CNTNAP2: variants seen among roughly 807,000 people sequenced by gnomAD.
CNTNAP2 encodes the protein contactin associated protein 2.
CNTNAP2 carries 98 observed loss-of-function variants against 155.2 expected under a neutral mutation model. The observed-to-expected ratio is 0.63, with a 90% CI of 0.54 to 0.75. CNTNAP2 has a LOEUF of 0.75. CNTNAP2 is among the 30% of genes least tolerant of loss of function. The pLI is 0.00. For synonymous variants in CNTNAP2, 651 were observed against 631.2 expected (o/e 1.03, Z -0.47); for missense variants, 1,727 against 1,688.1 (o/e 1.02, Z -0.40).
intron 3 of CNTNAP2, among the ~76,000 whole-genome samples, chr7:146,980,266 G>A (rs1168563574): frequency 1.3e-5 from 2 of 152,070 alleles, no homozygotes; most frequent in Non-Finnish European, 2.9e-5. Flanking sequence ...GTCAGAAGGG[G>A]GCAAGTGATC....
intron 13 of CNTNAP2, among the ~76,000 whole-genome samples, chr7:147,713,061 CA>C (rs1796425813): frequency 6.6e-6 from 1 of 152,116 alleles, no homozygotes; most frequent in South Asian, 2.1e-4. Context: ...CATGCTAGTA[CA>C]CGTGATTCTC....
At chr7:146,738,211 G>A (rs1229745076) in intron 1 of CNTNAP2, among the ~76,000 whole-genome samples, 1 of 151,546 alleles carries the variant, frequency 6.6e-6, no homozygotes, top group East Asian at 1.9e-4. Context: ...CATTCTAACA[G>A]GTATAAGGTG....
At chr7:147,184,490 G>T (rs1275062319) in intron 8 of CNTNAP2, among the ~76,000 whole-genome samples, 1 of 152,074 alleles carries the variant, frequency 6.6e-6, no homozygotes, top group Admixed American at 6.6e-5. Flanking sequence ...ATAAACTATG[G>T]CAAAGGATTC....
intron 1 of CNTNAP2, among the ~76,000 whole-genome samples, chr7:146,626,368 G>T (rs1799419197): frequency 6.6e-6 from 1 of 152,034 alleles, no homozygotes; most frequent in South Asian, 2.1e-4. Context: ...ATTCTGTTCT[G>T]AGAGGGTTGA....
At chr7:147,263,550 TC>T (rs1490271015) in intron 8 of CNTNAP2, among the ~76,000 whole-genome samples, 8 of 152,200 alleles carry the variant, frequency 5.3e-5, no homozygotes. Flanking sequence ...TATTGATTTG[TC>T]ATCTCCTTTT....
Position 147,594,605 on chromosome 7 carries a change from C to A in CNTNAP2, c.1897+32348C>A, listed in dbSNP as rs1166589543. ...TTTCTGGGTTTTCGCCTTCTCCACC[C>A]CTTCCAAGTCAAGGTCTGAGTCTGA... On this transcript the variant is annotated intron_variant, in intron 12 of 23. Transcript: ENST00000361727. 1.3e-5 allele frequency among the ~76,000 whole-genome samples: 2 copies of A among 152,114 alleles called. 1 individual carries two copies. Among genetic ancestry groups the A allele is most frequent in the South Asian group, 4.1e-4 (2 of 4,826 alleles).
intron 21 of CNTNAP2, among the ~76,000 whole-genome samples, chr7:148,310,393 T>C (rs914588589): frequency 6.6e-6 from 1 of 152,202 alleles, no homozygotes; most frequent in Non-Finnish European, 1.5e-5. Context: ...AGAGTCAACT[T>C]GGGCCTGGAG....
At chr7:148,180,397 C>G (rs2116702668) in intron 18 of CNTNAP2, among the ~76,000 whole-genome samples, 1 of 152,000 alleles carries the variant, frequency 6.6e-6, no homozygotes, top group East Asian at 1.9e-4. Context: ...CCTTAGGATG[C>G]AATTTAAAAG....
At chr7:148,073,469 C>A (rs1049240438) in intron 15 of CNTNAP2, among the ~76,000 whole-genome samples, 4 of 152,212 alleles carry the variant, frequency 2.6e-5, no homozygotes, top group African/African-American at 9.6e-5. Context: ...AGACTTGAAC[C>A]AGCCATTTGT....
intron 12 of CNTNAP2, among the ~76,000 whole-genome samples, chr7:147,627,301 G>A (rs1794999134): frequency 6.6e-6 from 1 of 152,078 alleles, no homozygotes; most frequent in African/African-American, 2.4e-5. Context: ...CCCCAGCAAT[G>A]GATCCAAACC....
intron 14 of CNTNAP2, among the ~76,000 whole-genome samples, chr7:147,957,900 C>G (rs1801047005): frequency 6.6e-6 from 1 of 152,038 alleles, no homozygotes; most frequent in African/African-American, 2.4e-5. Flanking sequence ...CATGAGGAGA[C>G]TCTGTCTCTA....
At chr7:147,447,807 T>C (rs997447581) in intron 10 of CNTNAP2, among the ~76,000 whole-genome samples, 1 of 151,674 alleles carries the variant, frequency 6.6e-6, no homozygotes, top group African/African-American at 2.4e-5. Flanking sequence ...ATATATAGTA[T>C]ATATAGTATA....
intron 8 of CNTNAP2, among the ~76,000 whole-genome samples, chr7:147,255,265 A>G (rs1307952791): frequency 6.6e-6 from 1 of 152,158 alleles, no homozygotes; most frequent in Non-Finnish European, 1.5e-5. Context: ...TCTATCCCCA[A>G]GGCTGAAGTG....
chr7:146,957,961 G>C (rs992640741), intron 3 of CNTNAP2, among the ~76,000 whole-genome samples: 15 of 152,066 alleles, frequency 9.9e-5, no homozygotes, highest in African/African-American at 3.6e-4. Context: ...TATCAAGAAT[G>C]ATTTAGATGT....
chr7:146,785,838 C>G (rs1802566400), intron 2 of CNTNAP2, among the ~76,000 whole-genome samples: 1 of 152,164 alleles, frequency 6.6e-6, no homozygotes, highest in Non-Finnish European at 1.5e-5. Context: ...ATAAAGCATG[C>G]CTTTCTTATC....
At chr7:147,962,721 G>A (rs74348647) in intron 14 of CNTNAP2, among the ~76,000 whole-genome samples, 3,945 of 152,230 alleles carry the variant, frequency 0.026, 159 homozygotes, top group African/African-American at 0.09. Context: ...ATGCTACGTG[G>A]TAGGCACTGT....
At chr7:147,715,334 G>T (rs1009068968) in intron 13 of CNTNAP2, among the ~76,000 whole-genome samples, 1 of 152,012 alleles carries the variant, frequency 6.6e-6, no homozygotes, top group African/African-American at 2.4e-5. Context: ...CCACATCCTT[G>T]CCAGCATTTG....
chr7:147,755,784 T>C (rs891367164), intron 13 of CNTNAP2, among the ~76,000 whole-genome samples: 1 of 152,242 alleles, frequency 6.6e-6, no homozygotes, highest in African/African-American at 2.4e-5. Context: ...TTTAGTGCTG[T>C]GCTGTTGCCA....
In CNTNAP2 at chr7:147,977,944, T is replaced by C; in HGVS notation, c.2338T>C (p.Ser780Pro). Residue 780 changes from serine (S) to proline (P), a missense_variant, in exon 15 of 24, where the codon TCA (serine) becomes CCA (proline). Coordinates refer to ENST00000361727, the MANE Select transcript of CNTNAP2 (RefSeq NM_014141.6). ...VVVGDTDRQG[S>P]EAKLSVGPLR... ...GGTTGGAGATACTGACCGTCAAGGC[T>C]CAGAAGCCAAATTGAGCGTAGGTCC... 1 of 1,614,070 alleles carries C rather than the reference T, an allele frequency of 6.2e-7. No individual in the cohort carries two copies. Among genetic ancestry groups the C allele is most frequent in the East Asian group, 2.2e-5 (1 of 44,866 alleles).
Sources: gnomAD v4.1 joint callset for allele counts (sites outside exome capture counted in the v4.1 genomes callset) on GRCh38, gnomAD v4.1.1 for gene constraint, MANE v1.5 for transcripts, NCBI Gene and HGNC (gene_info 2026-07-23, HGNC 2026-07-21) for gene names.